The following GPC5 variants were observed in gnomAD, a reference collection of about 807,000 sequenced individuals.
GPC5 encodes the protein glypican 5.
Under a neutral mutation model 53.9 loss-of-function variants are expected in GPC5, and 47 were observed. That is an observed-to-expected ratio of 0.87 (90% CI 0.69 to 1.11). GPC5 has a LOEUF of 1.11. GPC5 is among the 50% of genes most tolerant of loss of function. The pLI, the probability that GPC5 is intolerant of heterozygous loss-of-function variation, is 0.00. For synonymous variants in GPC5, 286 were observed against 263.3 expected (o/e 1.09, Z -0.84); for missense variants, 748 against 713.1 (o/e 1.05, Z -0.56).
At chr13:91,429,236 T>A (rs1162446796) in intron 1 of GPC5, among the ~76,000 whole-genome samples, 4 of 152,126 alleles carry the variant, frequency 2.6e-5, no homozygotes, top group Non-Finnish European at 4.4e-5. Flanking sequence ...TCTGTTTTAA[T>A]AAAAAAACTT....
chr13:92,165,980 G>A (rs914478704), intron 7 of GPC5, among the ~76,000 whole-genome samples: 2 of 152,146 alleles, frequency 1.3e-5, no homozygotes, highest in South Asian at 2.1e-4. Context: ...AATAACGTTA[G>A]GATTGTCTCT....
intron 6 of GPC5, among the ~76,000 whole-genome samples, chr13:91,916,092 G>A (rs975224624): frequency 4.6e-5 from 7 of 152,148 alleles, no homozygotes; most frequent in Non-Finnish European, 7.4e-5. Context: ...TCCATAGTTA[G>A]TTTACTTAAT....
intron 7 of GPC5, among the ~76,000 whole-genome samples, chr13:92,381,829 ATATATTATATTG>A (rs2043742034): frequency 1.1e-5 from 1 of 90,444 alleles, no homozygotes; most frequent in African/African-American, 4.0e-5. Context: ...ATATAATCAT[ATATATTATATTG>A]TATATGATCA....
intron 7 of GPC5, among the ~76,000 whole-genome samples, chr13:92,206,161 T>G (rs1251136939): frequency 0.027 from 1,157 of 42,514 alleles, 11 homozygotes; most frequent in Middle Eastern, 0.15. Flanking sequence ...TTTTATTTTT[T>G]TTTTTATTTT....
chr13:92,847,859 T>G (rs545274676), intron 7 of GPC5, among the ~76,000 whole-genome samples: 1 of 152,348 alleles, frequency 6.6e-6, no homozygotes, highest in African/African-American at 2.4e-5. Context: ...TTGCTGAACT[T>G]TGAAATGTAA....
intron 7 of GPC5, among the ~76,000 whole-genome samples, chr13:92,601,397 A>T (rs1363966484): frequency 6.6e-6 from 1 of 151,790 alleles, no homozygotes; most frequent in Non-Finnish European, 1.5e-5. Context: ...CTCTACTAAA[A>T]ATACAAAATC....
chr13:92,009,685 G>A (rs1396301236), intron 6 of GPC5, among the ~76,000 whole-genome samples: 1 of 152,046 alleles, frequency 6.6e-6, no homozygotes, highest in African/African-American at 2.4e-5. Flanking sequence ...AGCCACCTCT[G>A]CCTACCCAAA....
At chr13:92,636,908 T>C (rs989331889) in intron 7 of GPC5, among the ~76,000 whole-genome samples, 3 of 152,144 alleles carry the variant, frequency 2.0e-5, no homozygotes, top group African/African-American at 7.2e-5. Flanking sequence ...TTCCTATGTT[T>C]CCTATTTTGA....
At chr13:91,922,386 T>C (rs900437131) in intron 6 of GPC5, among the ~76,000 whole-genome samples, 4 of 152,170 alleles carry the variant, frequency 2.6e-5, no homozygotes. Context: ...TACAGCCTCA[T>C]CTTCTAATTG....
intron 7 of GPC5, among the ~76,000 whole-genome samples, chr13:92,480,580 G>A (rs1047206174): frequency 6.6e-5 from 10 of 152,052 alleles, no homozygotes; most frequent in South Asian, 4.2e-4. Flanking sequence ...ACTTTGGAAT[G>A]GTCTTTCTCT....
At chr13:92,434,917 A>G (rs1349932519) in intron 7 of GPC5, among the ~76,000 whole-genome samples, 2 of 152,196 alleles carry the variant, frequency 1.3e-5, no homozygotes, top group African/African-American at 4.8e-5. Context: ...TAATTTGTCC[A>G]ACTAATATTT....
intron 7 of GPC5, among the ~76,000 whole-genome samples, chr13:92,613,372 TA>T (rs538457864): frequency 1.1e-3 from 88 of 82,426 alleles, no homozygotes; most frequent in African/African-American, 3.6e-3. Context: ...TATTTATATA[TA>T]AATATATTAT....
intron 2 of GPC5, among the ~76,000 whole-genome samples, chr13:91,547,284 C>T (rs575083049): frequency 7.9e-5 from 12 of 151,968 alleles, no homozygotes; most frequent in South Asian, 2.1e-4. Flanking sequence ...TAAGAGAAAA[C>T]GAGACACAAA....
chr13:92,499,058 CAAGTG>C (rs1453481118), intron 7 of GPC5, among the ~76,000 whole-genome samples: 3 of 151,652 alleles, frequency 2.0e-5, no homozygotes, highest in Non-Finnish European at 4.4e-5. Flanking sequence ...TGTGTGGGAC[CAAGTG>C]AAGAAAAATA....
intron 7 of GPC5, among the ~76,000 whole-genome samples, chr13:92,664,976 A>G (rs1886521349): frequency 6.6e-6 from 1 of 152,198 alleles, no homozygotes; most frequent in Non-Finnish European, 1.5e-5. Flanking sequence ...TATAAAGGAT[A>G]TGTTAATACA....
At chr13:92,438,626 G>A (rs1184286535) in intron 7 of GPC5, among the ~76,000 whole-genome samples, 2 of 152,026 alleles carry the variant, frequency 1.3e-5, no homozygotes, top group Non-Finnish European at 2.9e-5. Flanking sequence ...CAGAGGTATA[G>A]AACTTGAGCG....
intron 5 of GPC5, among the ~76,000 whole-genome samples, chr13:91,830,349 G>C (rs1472430100): frequency 6.6e-6 from 1 of 151,898 alleles, no homozygotes; most frequent in African/African-American, 2.4e-5. Flanking sequence ...TTTTTTCAAG[G>C]TGCCCAGATT....
intron 3 of GPC5, among the ~76,000 whole-genome samples, chr13:91,697,388 G>T (rs1019333628): frequency 7.2e-5 from 11 of 152,044 alleles, no homozygotes; most frequent in Non-Finnish European, 1.6e-4. Flanking sequence ...TGATCTGCCC[G>T]CCTTGGCCTC....
chr13:91,846,334 T>C (rs1430566523), intron 5 of GPC5, among the ~76,000 whole-genome samples: 1 of 152,184 alleles, frequency 6.6e-6, no homozygotes, highest in Non-Finnish European at 1.5e-5. Context: ...TACACTATCA[T>C]AGTACCGCCT....
Sources: allele counts gnomAD v4.1 joint callset (sites outside exome capture counted in the v4.1 genomes callset), GRCh38; gene constraint gnomAD v4.1.1; transcripts MANE v1.5; gene names NCBI Gene and HGNC (gene_info 2026-07-23, HGNC 2026-07-21).